Variants in FRMD4A observed in about 807,000 individuals in gnomAD.
FRMD4A encodes FERM domain containing 4A, also known as FERM domain-containing protein 4A.
FRMD4A carries 29 observed loss-of-function variants against 129.1 expected under a neutral mutation model. The ratio of observed to expected loss-of-function variants is 0.22; its 90% CI spans 0.17 to 0.31. The LOEUF (loss-of-function observed/expected upper bound fraction) is 0.31. Among genes scored for constraint, FRMD4A ranks in the 10% least tolerant of loss-of-function variants. The pLI is 1.00. For missense variants in FRMD4A, 1,272 were observed against 1,375.8 expected (o/e 0.92, Z 1.19); for synonymous variants, 634 against 571.6 (o/e 1.11, Z -1.56).
At chr10:13,982,054 C>T (rs1275398448) in intron 2 of FRMD4A, among the ~76,000 whole-genome samples, 1 of 152,200 alleles carries the variant, frequency 6.6e-6, no homozygotes, top group Non-Finnish European at 1.5e-5. Context: ...ACAGGCGTAG[C>T]CATACAAACT....
chr10:13,768,985 ATTTTT>A (rs10558942), intron 6 of FRMD4A, among the ~76,000 whole-genome samples: 8 of 103,330 alleles, frequency 7.7e-5, no homozygotes, highest in Non-Finnish European at 9.3e-5. Flanking sequence ...ACTTTACTAG[ATTTTT>A]TTTTTTTTTT....
chr10:13,946,364 A>G (rs1255001047), intron 2 of FRMD4A, among the ~76,000 whole-genome samples: 1 of 152,206 alleles, frequency 6.6e-6, no homozygotes, highest in Non-Finnish European at 1.5e-5. Flanking sequence ...TTGTCAACCA[A>G]GTCAGCGAAC....
chr10:14,185,221 C>T (rs1180437295), intron 2 of FRMD4A, among the ~76,000 whole-genome samples: 1 of 152,284 alleles, frequency 6.6e-6, no homozygotes, highest in South Asian at 2.1e-4. Flanking sequence ...ACTGTGGGTT[C>T]TAATTTGCAT....
At chr10:13,982,535 T>G (rs1018571647) in intron 2 of FRMD4A, among the ~76,000 whole-genome samples, 2 of 151,048 alleles carry the variant, frequency 1.3e-5, no homozygotes, top group African/African-American at 4.9e-5. Context: ...CTTGTTTGAC[T>G]GTAGGTCATA....
chr10:13,794,501 C>T (rs1467082143), intron 5 of FRMD4A, among the ~76,000 whole-genome samples: 1 of 151,834 alleles, frequency 6.6e-6, no homozygotes, highest in Non-Finnish European at 1.5e-5. Context: ...TTGATGGGAC[C>T]ATGGAAGGTC....
intron 2 of FRMD4A, among the ~76,000 whole-genome samples, chr10:13,881,902 A>G (rs1301580754): frequency 6.6e-6 from 1 of 151,338 alleles, no homozygotes; most frequent in African/African-American, 2.4e-5. Context: ...CCAGGCAGGA[A>G]AGGGATGGGA....
chr10:14,081,660 T>A (rs1190470758), intron 2 of FRMD4A, among the ~76,000 whole-genome samples: 1 of 152,182 alleles, frequency 6.6e-6, no homozygotes, highest in South Asian at 2.1e-4. Flanking sequence ...ATATACAAAA[T>A]GTCTTTTATC....
chr10:14,303,411 G>C (rs1260741073), intron 2 of FRMD4A, among the ~76,000 whole-genome samples: 2 of 152,218 alleles, frequency 1.3e-5, no homozygotes, highest in African/African-American at 4.8e-5. Flanking sequence ...GTGGGCGCTA[G>C]GGCCTGGCAG....
intron 2 of FRMD4A, among the ~76,000 whole-genome samples, chr10:13,948,798 C>T (rs1018614803): frequency 3.3e-5 from 5 of 151,576 alleles, no homozygotes; most frequent in African/African-American, 4.8e-5. Flanking sequence ...ACTACAGGTG[C>T]GCACCATCAT....
Position 13,810,873 on chromosome 10 carries a change from C to A in FRMD4A, c.147G>T (p.Val49=). 6.2e-7 allele frequency: 1 copy of A among 1,605,558 alleles called. No homozygotes were observed. Among genetic ancestry groups the A allele is most frequent in the Non-Finnish European group, 8.5e-7 (1 of 1,173,026 alleles). ...KLLAKELLDL[V]ASHFNLKEKE... The stretch of plus-strand genomic sequence containing the variant: ...TTTCCTTCAGATTGAAGTGAGAAGC[C>A]ACAAGGTCAAGAAGCTCCTTGGCCA... The change falls in exon 4 of 25, where the codon GTG becomes GTT. Residue 49 remains valine, a synonymous_variant. Transcript: ENST00000357447.
intron 4 of FRMD4A, among the ~76,000 whole-genome samples, chr10:13,803,925 G>A (rs1434594384): frequency 6.6e-6 from 1 of 152,278 alleles, no homozygotes; most frequent in East Asian, 1.9e-4. Context: ...CAGGTTCCCA[G>A]CTCCCTCCGG....
intron 2 of FRMD4A, among the ~76,000 whole-genome samples, chr10:14,297,682 G>T (rs1216465961): frequency 6.6e-6 from 1 of 152,168 alleles, no homozygotes; most frequent in African/African-American, 2.4e-5. Flanking sequence ...TTTGTAAAGT[G>T]CTGTGTGTAT....
intron 2 of FRMD4A, among the ~76,000 whole-genome samples, chr10:14,147,131 C>A (rs1388784900): frequency 6.6e-6 from 1 of 152,174 alleles, no homozygotes; most frequent in African/African-American, 2.4e-5. Flanking sequence ...GGCATATTAT[C>A]TTTTCGAAAA....
intron 11 of FRMD4A, among the ~76,000 whole-genome samples, chr10:13,738,912 C>T (rs2090819969): frequency 7.2e-5 from 11 of 152,296 alleles, no homozygotes; most frequent in Admixed American, 5.9e-4. Context: ...TGAGCCACTG[C>T]GCCTGCCCCC....
chr10:13,693,431 G>T, intron 15 of FRMD4A: 1 of 854,600 alleles, frequency 1.2e-6, no homozygotes, highest in Non-Finnish European at 1.5e-6. Context: ...ATCATGCCCT[G>T]CGACACGATG....
intron 2 of FRMD4A, among the ~76,000 whole-genome samples, chr10:13,940,562 G>T (rs911330416): frequency 9.9e-5 from 15 of 152,162 alleles, no homozygotes; most frequent in South Asian, 2.1e-4. Flanking sequence ...AGGCCTGAGG[G>T]TATTTCTCCA....
At chr10:13,790,348 C>T (rs532729300) in intron 5 of FRMD4A, among the ~76,000 whole-genome samples, 4 of 152,288 alleles carry the variant, frequency 2.6e-5, no homozygotes, top group Admixed American at 1.3e-4. Context: ...GCCTGGAGCT[C>T]GGGAGAGAGG....
In FRMD4A at chr10:13,713,992, T is replaced by TAA. The variant is rs57748345; in HGVS notation, c.760-6881_760-6880dup. Among the ~76,000 whole-genome samples, 18 of 66,846 alleles carry TAA rather than the reference T, an allele frequency of 2.7e-4. 2 individuals are homozygous for TAA. The highest frequency in any genetic ancestry group is 4.5e-4 in the South Asian group (1 of 2,210). 43.9% of individuals were successfully genotyped at this position (66,846 alleles called of 152,430 possible). A position where few individuals can be genotyped will look rare whatever the true frequency, so the allele number is the denominator to read the frequency against. On this transcript the variant is annotated intron_variant, in intron 12 of 24. Transcript: ENST00000357447. ...TATACATATATGTAATATACATATA[T>TAA]AATATACATATATAATATACATATA...
intron 2 of FRMD4A, among the ~76,000 whole-genome samples, chr10:14,124,858 G>C (rs1589027512): frequency 6.6e-6 from 1 of 152,284 alleles, no homozygotes; most frequent in Middle Eastern, 3.4e-3. Flanking sequence ...GGCATGTTTA[G>C]AGTGTGTGTA....
Sources: gnomAD v4.1 joint callset for allele counts (sites outside exome capture counted in the v4.1 genomes callset) on GRCh38, gnomAD v4.1.1 for gene constraint, MANE v1.5 for transcripts, NCBI Gene and HGNC (gene_info 2026-07-23, HGNC 2026-07-21) for gene names.